Variants in CD5 observed in about 807,000 individuals in gnomAD.
CD5 encodes the protein CD5 molecule, also known as T-cell surface glycoprotein CD5.
Under a neutral mutation model 60.3 loss-of-function variants are expected in CD5, and 36 were observed. The ratio of observed to expected loss-of-function variants is 0.60; its 90% CI spans 0.46 to 0.79. CD5 has a LOEUF of 0.79. CD5 is among the 30% of genes least tolerant of loss of function. The probability of loss-of-function intolerance (pLI) is 0.00; values close to 1 mark genes in which losing one functional copy is unlikely to be tolerated. For synonymous variants in CD5, 230 were observed against 257.6 expected (o/e 0.89, Z 1.03); for missense variants, 540 against 630.6 (o/e 0.86, Z 1.54).
chr11:61,115,227 AC>A (rs781105601), intron 2 of CD5, 133 bp downstream of exon 2: 2 of 711,536 alleles, frequency 2.8e-6, no homozygotes, highest in African/African-American at 1.8e-5. Flanking sequence ...GAGAGAGTGA[AC>A]CCCAGCATAC....
At chr11:61,115,701 T>G (rs2134602428) in intron 2 of CD5, among the ~76,000 whole-genome samples, 1 of 152,358 alleles carries the variant, frequency 6.6e-6, no homozygotes, top group South Asian at 2.1e-4. Flanking sequence ...GCACCCTTAT[T>G]TCACCACAGA....
rs765411444 is a variant in CD5 at position 61,122,964 on chromosome 11, C to CCCTGGTGCT, written c.1165_1173dup (p.Leu389_Val391dup). 9 of 1,614,000 alleles carry CCCTGGTGCT rather than the reference C, an allele frequency of 5.6e-6. No individual in the cohort carries two copies. Among genetic ancestry groups the CCCTGGTGCT allele is most frequent in the Non-Finnish European group, 7.6e-6 (9 of 1,179,976 alleles). ...GGCACGGTGGCAAGCATCATCCTGG[C>CCCTGGTGCT]CCTGGTGCTCCTGGTGGTGCTGCTG... On this transcript the variant is annotated inframe_insertion, in exon 7 of 11. Coordinates refer to ENST00000347785, the MANE Select transcript of CD5 (RefSeq NM_014207.4).
Position 61,126,801 on chromosome 11 carries a change from C to G in CD5, c.*516C>G, listed in dbSNP as rs1403476545. ...ACAGGAAGGGGACTCCCGGAGACCT[C>G]TGCAGCCGTGGTGGTCAGAGGCTGC... On this transcript the variant is annotated 3_prime_UTR_variant, in exon 11 of 11. Transcript: ENST00000347785. The G allele has an allele frequency of 6.6e-6, 1 of 152,282 alleles. No individual in the cohort carries two copies. Among genetic ancestry groups the G allele is most frequent in the African/African-American group, 2.4e-5 (1 of 41,456 alleles). 9.4% of individuals were successfully genotyped at this position (152,282 alleles called of 1,614,324 possible).
At chr11:61,107,221 C>A (rs1860789081) in intron 1 of CD5, among the ~76,000 whole-genome samples, 1 of 152,128 alleles carries the variant, frequency 6.6e-6, no homozygotes, top group Non-Finnish European at 1.5e-5. Context: ...AGTGAGCCCA[C>A]CGTGTGGGAC....
chr11:61,119,454 G>C lies in CD5; in HGVS notation c.684G>C (p.Arg228=). 6.2e-7 allele frequency: 1 copy of C among 1,614,200 alleles called. No individual in the cohort carries two copies. The highest frequency in any genetic ancestry group is 8.5e-7 in the Non-Finnish European group (1 of 1,180,032). ...AGRAQDPGEP[R]EHQPLPIQWK... ...GAGCCCAAGACCCAGGGGAGCCACG[G>C]GAACACCAGCCCTTGCCAATCCAAT... Residue 228 remains arginine, a synonymous_variant, in exon 5 of 11, where the codon CGG becomes CGC. Coordinates refer to ENST00000347785, the MANE Select transcript of CD5 (RefSeq NM_014207.4).
the CD5 span, among the ~76,000 whole-genome samples, chr11:61,094,597 A>G: frequency 8.5e-4 from 129 of 151,738 alleles, 1 homozygote; most frequent in African/African-American, 3.0e-3. Context: ...ATTTCTTGAT[A>G]CTCTGATTTT....
intron 1 of CD5, among the ~76,000 whole-genome samples, chr11:61,103,640 CTG>C (rs61173123): frequency 0.26 from 37,724 of 142,360 alleles, 5,620 homozygotes; most frequent in African/African-American, 0.43. Context: ...TGTGTGAGAA[CTG>C]TGTTGGGGGG....
intron 4 of CD5, 99 bp from the exon 5 acceptor site, chr11:61,119,131 CGTTA>C (rs1861011761): frequency 8.1e-7 from 1 of 1,231,212 alleles, no homozygotes; most frequent in African/African-American, 1.5e-5. Context: ...CAAGGCTAAG[CGTTA>C]GTCAGTAGTT....
At position 61,123,887 on chromosome 11, in the gene CD5, G is replaced by T. The variant is rs369459818; in HGVS notation, c.1229G>T (p.Arg410Leu). The change falls in exon 8 of 11, where the codon CGC becomes CTC. Residue 410 changes from arginine to leucine, a missense_variant. Coordinates refer to ENST00000347785, the MANE Select transcript of CD5 (RefSeq NM_014207.4). Reference sequence around the variant, plus strand: ...GCCTTTCTTGTCTCTTGCCCAGTCCGCCAGAAGAAGCAGCGCCAGTGGATT... The same window carrying T: ...GCCTTTCTTGTCTCTTGCCCAGTCCTCCAGAAGAAGCAGCGCCAGTGGATT... ...LAYKKLVKKF[R>L]QKKQRQWIGP... 3 of 1,470,246 alleles carry T rather than the reference G, an allele frequency of 2.0e-6. No homozygotes were observed. Among genetic ancestry groups the T allele is most frequent in the Admixed American group, 3.8e-5 (2 of 53,246 alleles). 91.1% of individuals were successfully genotyped at this position (1,470,246 alleles called of 1,614,324 possible).
Position 61,103,186 on chromosome 11 carries a change from C to T in CD5, c.55+571C>T, listed in dbSNP as rs181239612. ...CAGTCCTGGGTCAGTCCCAGAGGGG[C>T]CCAGCCAGGCCGGCTGGGATGAGTA... On this transcript the variant is annotated intron_variant, in intron 1 of 10. Transcript: ENST00000347785. Among the ~76,000 whole-genome samples the T allele has an allele frequency of 2.1e-3, 319 of 152,344 alleles. 5 individuals are homozygous for T. The highest frequency in any genetic ancestry group is 0.02 in the Admixed American group (307 of 15,302).
chr11:61,123,961 C>A, intron 8 of CD5, 24 bp downstream of exon 8: 2 of 1,597,644 alleles, frequency 1.3e-6, no homozygotes, highest in Non-Finnish European at 1.7e-6. Context: ...GAGGCAGGAG[C>A]CTCCCTCAGG....
intron 1 of CD5, among the ~76,000 whole-genome samples, chr11:61,104,796 G>A (rs920026320): frequency 5.3e-5 from 8 of 152,250 alleles, no homozygotes; most frequent in African/African-American, 1.9e-4. Flanking sequence ...GGGGAAAAGC[G>A]AGGCCCAGGA....
At chr11:61,122,465 G>C (rs562536584) in intron 6 of CD5, among the ~76,000 whole-genome samples, 10 of 151,284 alleles carry the variant, frequency 6.6e-5, no homozygotes, top group African/African-American at 2.4e-4. Flanking sequence ...ATGGATGGAT[G>C]AGTGGACTGA....
intron 2 of CD5, 146 bp downstream of exon 2, chr11:61,115,240 C>A: frequency 1.5e-6 from 1 of 666,678 alleles, no homozygotes; most frequent in Admixed American, 2.7e-5. Flanking sequence ...CCAGCATACA[C>A]ACAGGCACAT....
At chr11:61,096,090 G>T in the CD5 span, among the ~76,000 whole-genome samples, 1 of 152,224 alleles carries the variant, frequency 6.6e-6, no homozygotes, top group Non-Finnish European at 1.5e-5. Context: ...TAGGCGAAAC[G>T]CCGACTTACT....
intron 2 of CD5, among the ~76,000 whole-genome samples, chr11:61,115,672 C>T (rs1860928754): frequency 1.3e-5 from 2 of 152,358 alleles, no homozygotes; most frequent in African/African-American, 4.8e-5. Context: ...ATACATGACA[C>T]TTTTTAACCC....
rs1170478548 is a variant in CD5 at position 61,119,254 on chromosome 11, G to T, written c.484G>T (p.Val162Leu). 1.2e-6 allele frequency: 2 copies of T among 1,606,454 alleles called. No homozygotes were observed. Among genetic ancestry groups the T allele is most frequent in the African/African-American group, 2.7e-5 (2 of 74,744 alleles). ...CCTAGCTCCTCCCAGGCTGCAGCTG[G>T]TGGCACAGTCTGGCGGCCAGCACTG... ...EPTAPPRLQLVAQSGGQHCAG... is the reference protein window; with the variant it reads ...EPTAPPRLQLLAQSGGQHCAG... Residue 162 changes from valine (V) to leucine (L), a missense_variant, in exon 5 of 11, where the codon GTG becomes TTG. Val to Leu is a conservative substitution (Grantham distance 32, BLOSUM62 1). Transcript: ENST00000347785.
chr11:61,120,555 G>A (rs893233518), intron 5 of CD5, among the ~76,000 whole-genome samples: 1 of 152,196 alleles, frequency 6.6e-6, no homozygotes, highest in Non-Finnish European at 1.5e-5. Context: ...TGGTGACTCA[G>A]TGTGGTCCTG....
rs1409829809 is a variant in CD5, at chr11:61,116,551, AC to A, written c.94+1459del. 3.2e-3 allele frequency among the ~76,000 whole-genome samples: 304 copies of A among 94,898 alleles called. 3 individuals carry two copies. Among genetic ancestry groups the A allele is most frequent in the African/African-American group, 0.012 (262 of 21,676 alleles). The allele number at this position is 94,898 out of a possible 152,430, so 62.3% of individuals were successfully genotyped here. ...CACACACCCCACACCACACACACAC[AC>A]CACACACACCACACACACACCACAC... On this transcript the variant is annotated intron_variant, in intron 2 of 10. Coordinates refer to ENST00000347785, the MANE Select transcript of CD5 (RefSeq NM_014207.4).
Sources: gnomAD v4.1 joint callset for allele counts (sites outside exome capture counted in the v4.1 genomes callset) on GRCh38, gnomAD v4.1.1 for gene constraint, MANE v1.5 for transcripts, NCBI Gene and HGNC (gene_info 2026-07-23, HGNC 2026-07-21) for gene names.